Variants in NAMPT observed in about 807,000 individuals in gnomAD.
NAMPT encodes the protein NAmPRTase.
A neutral mutation model predicts 58.7 loss-of-function variants in NAMPT; 7 were observed. The ratio of observed to expected loss-of-function variants is 0.12; its 90% CI spans 0.07 to 0.22. The LOEUF is 0.22. Among genes scored for constraint, NAMPT ranks in the 10% least tolerant of loss-of-function variants. The pLI, the probability that NAMPT is intolerant of heterozygous loss-of-function variation, is 1.00. For missense variants in NAMPT, 271 were observed against 567.9 expected (o/e 0.48, Z 5.31); for synonymous variants, 145 against 198.1 (o/e 0.73, Z 2.25).
chr7:106,280,006 G>T (rs571868585), intron 1 of NAMPT, among the ~76,000 whole-genome samples: 1 of 152,248 alleles, frequency 6.6e-6, no homozygotes, highest in African/African-American at 2.4e-5. Flanking sequence ...GCAGAAATGA[G>T]ATCATGTAAG....
chr7:106,270,296 T>C, intron 4 of NAMPT: 1 of 424,030 alleles, frequency 2.4e-6, no homozygotes, highest in Non-Finnish European at 5.0e-6. Flanking sequence ...TTCAAATCTG[T>C]TTGAAAAAGA....
At chr7:106,255,255 G>A (rs1459455547) in intron 8 of NAMPT, among the ~76,000 whole-genome samples, 3 of 152,212 alleles carry the variant, frequency 2.0e-5, no homozygotes, top group African/African-American at 7.2e-5. Context: ...TTTCACCAAA[G>A]TCAAGTTTAT....
chr7:106,270,487 G>T (rs1792512002), intron 4 of NAMPT, among the ~76,000 whole-genome samples: 1 of 152,152 alleles, frequency 6.6e-6, no homozygotes, highest in Non-Finnish European at 1.5e-5. Flanking sequence ...AGACTCCTGT[G>T]ACTGATTAAA....
In NAMPT at chr7:106,248,565, A is replaced by G. The variant is rs1750874589; in HGVS notation, c.*2518T>C. ...TTTGATAACAATTTAAGAAGGGAAA[A>G]CAAGGGATACTCATAAAAAACATTT... On this transcript the variant is annotated 3_prime_UTR_variant, in exon 11 of 11. Coordinates refer to ENST00000222553, the MANE Select transcript of NAMPT (RefSeq NM_005746.3). 6.6e-6 allele frequency: 1 copy of G among 152,386 alleles called. No individual in the cohort carries two copies. The highest frequency in any genetic ancestry group is 2.4e-5 in the African/African-American group (1 of 41,562). 9.4% of individuals were successfully genotyped at this position (152,386 alleles called of 1,614,324 possible).
chr7:106,273,494 C>A (rs368039946), intron 3 of NAMPT, among the ~76,000 whole-genome samples: 49 of 152,302 alleles, frequency 3.2e-4, no homozygotes, highest in Middle Eastern at 3.4e-3. Context: ...CATTGCCCTA[C>A]AGGTCCTAGT....
At chr7:106,264,645 A>G (rs1317857942) in intron 6 of NAMPT, among the ~76,000 whole-genome samples, 1 of 152,064 alleles carries the variant, frequency 6.6e-6, no homozygotes, top group Admixed American at 6.5e-5. Context: ...TATATAATGT[A>G]AATAATTTTA....
chr7:106,284,431 C>T (rs1792825075), intron 1 of NAMPT: 1 of 152,134 alleles, frequency 6.6e-6, no homozygotes, highest in East Asian at 2.0e-4. Flanking sequence ...GGGCCGTTAC[C>T]TAACTGGTCC....
Position 106,263,558 on chromosome 7 carries a change from T to C in NAMPT, c.803A>G (p.Gln268Arg), listed in dbSNP as rs915529555. 1.7e-5 allele frequency: 27 copies of C among 1,613,462 alleles called. No individual in the cohort carries two copies. Among genetic ancestry groups the C allele is most frequent in the Non-Finnish European group, 1.9e-5 (23 of 1,179,572 alleles). The change falls in exon 7 of 11, where the codon CAG (glutamine) becomes CGG (arginine). Residue 268 changes from glutamine (Q) to arginine (R), a missense_variant. Physicochemically the swap from Gln to Arg is conservative, Grantham distance 43 (BLOSUM62 1). Transcript: ENST00000222553. ...EKDAFEHIVT[Q>R]FSSVPVSVVS... ...CACAGATACAGGCACTGATGAAAAC[T>C]GTGTTACAATATGTTCAAAAGCATC... is the stretch of plus-strand genomic sequence containing the variant.
intron 1 of NAMPT, among the ~76,000 whole-genome samples, chr7:106,282,381 T>C (rs1224690536): frequency 6.6e-6 from 1 of 152,196 alleles, no homozygotes; most frequent in African/African-American, 2.4e-5. Context: ...ATTTATTAAA[T>C]GAATGGTTAA....
At chr7:106,281,382 A>G (rs1486898859) in intron 1 of NAMPT, among the ~76,000 whole-genome samples, 2 of 152,292 alleles carry the variant, frequency 1.3e-5, no homozygotes, top group East Asian at 3.9e-4. Flanking sequence ...GGATCACATG[A>G]CCAAATGCAA....
chr7:106,263,127 GTTAA>G (rs2115757634), intron 7 of NAMPT: 8 of 439,298 alleles, frequency 1.8e-5, no homozygotes, highest in East Asian at 7.7e-5. Flanking sequence ...TGGCAATGCT[GTTAA>G]TTAATTTTGC....
At chr7:106,276,955 T>C in intron 2 of NAMPT, 68 bp downstream of exon 2, 3 of 1,266,346 alleles carry the variant, frequency 2.4e-6, no homozygotes, top group Non-Finnish European at 3.4e-6. Context: ...TGTTAAAAAT[T>C]CTAAAAGAAC....
Position 106,272,578 on chromosome 7 carries a change from C to T in NAMPT, c.399G>A (p.Thr133=), listed in dbSNP as rs767797197. The change falls in exon 4 of 11, where the codon ACG becomes ACA. Residue 133 remains threonine (T), a synonymous_variant. Coordinates refer to ENST00000222553, the MANE Select transcript of NAMPT (RefSeq NM_005746.3). The stretch of plus-strand genomic sequence containing the variant: ...AACACTCTGGATCTGTGTTTTCCAC[C>T]GTGAAGAGAACATTTCCTCTGGGAA... ...FVIPRGNVLF[T]VENTDPECYW... is the part of the protein sequence containing the mutation. The T allele has an allele frequency of 1.2e-5, 19 of 1,613,330 alleles. No homozygotes were observed. Among genetic ancestry groups the T allele is most frequent in the East Asian group, 4.5e-5 (2 of 44,784 alleles).
rs1381070034 is a variant in NAMPT, at chr7:106,254,341, GAAGT to G, written c.1230+19_1230+22del. The G allele has an allele frequency of 6.2e-6, 10 of 1,612,292 alleles. No individual in the cohort carries two copies. Among genetic ancestry groups the G allele is most frequent in the East Asian group, 4.5e-5 (2 of 44,820 alleles). On this transcript the variant is annotated intron_variant, in intron 9 of 10. Coordinates refer to ENST00000222553, the MANE Select transcript of NAMPT (RefSeq NM_005746.3). ...GATACATAAGGAAGGTAGTAACACA[GAAGT>G]AATTAAAAGGTGACATACCCCAAGG...
At position 106,272,872 on chromosome 7, in the gene NAMPT, T is replaced by A. The variant is rs140597172; in HGVS notation, c.319-214A>T. Among the ~76,000 whole-genome samples the A allele has an allele frequency of 5.9e-5, 9 of 152,318 alleles. No homozygotes were observed. The East Asian group carries it at 1.7e-3, about 29-fold the overall frequency. The stretch of plus-strand genomic sequence containing the variant: ...ATACGTACTGATATTAATTTTTAAG[T>A]TTAATGCTGCCACGTGCTTCTGCTA... On this transcript the variant is annotated intron_variant, in intron 3 of 10. Transcript: ENST00000222553.
upstream of NAMPT, chr7:106,285,556 G>A: frequency 1.0e-6 from 1 of 985,920 alleles, no homozygotes; most frequent in Non-Finnish European, 1.2e-6. Flanking sequence ...TCTCCGGCCT[G>A]GATTAAGGAT....
At position 106,252,171 on chromosome 7, in the gene NAMPT, A is replaced by G. The variant is rs2115716871; in HGVS notation, c.1365+846T>C. 2.6e-5 allele frequency among the ~76,000 whole-genome samples: 4 copies of G among 152,206 alleles called. 1 individual carries two copies. In the Middle Eastern group the frequency reaches 0.01, roughly 391 times the overall value. On this transcript the variant is annotated intron_variant, in intron 10 of 10. Coordinates refer to ENST00000222553, the MANE Select transcript of NAMPT (RefSeq NM_005746.3). Reference sequence around the variant, plus strand: ...AGTGTCTTTTAAAAATCACACTTAGATTTTTACTTTTAGTTTGAAGTGACT... The same window carrying G: ...AGTGTCTTTTAAAAATCACACTTAGGTTTTTACTTTTAGTTTGAAGTGACT...
chr7:106,269,123 A>G lies in NAMPT; in HGVS notation c.606+31T>C, dbSNP rs1225418835. ...GGTACTCTAACCAACAATCCACATT[A>G]TATTAAATGAGGTTGGTTTCAGTTA... On this transcript the variant is annotated intron_variant, in intron 5 of 10. Transcript: ENST00000222553. 3.8e-6 allele frequency: 6 copies of G among 1,586,214 alleles called. No homozygotes were observed. The South Asian group carries it at 6.9e-5, about 18-fold the overall frequency.
At chr7:106,255,566 T>C (rs538999475) in intron 8 of NAMPT, among the ~76,000 whole-genome samples, 2 of 152,346 alleles carry the variant, frequency 1.3e-5, no homozygotes, top group East Asian at 3.9e-4. Context: ...AGCAACTTCA[T>C]TTTTAAACAA....
Sources: allele counts gnomAD v4.1 joint callset (sites outside exome capture counted in the v4.1 genomes callset), GRCh38; gene constraint gnomAD v4.1.1; transcripts MANE v1.5; gene names NCBI Gene and HGNC (gene_info 2026-07-23, HGNC 2026-07-21).